Variants in TMEM132E observed in about 807,000 individuals in gnomAD.
The protein encoded by TMEM132E is transmembrane protein 132E.
Under a neutral mutation model 78.5 loss-of-function variants are expected in TMEM132E, and 49 were observed. The ratio of observed to expected loss-of-function variants is 0.62; its 90% confidence interval spans 0.50 to 0.79. The LOEUF (loss-of-function observed/expected upper bound fraction) is 0.79. Among genes scored for constraint, TMEM132E ranks in the 30% least tolerant of loss-of-function variants. The pLI is 0.00. For synonymous variants in TMEM132E, 715 were observed against 670.6 expected (o/e 1.07, Z -1.02); for missense variants, 1,403 against 1,470.9 (o/e 0.95, Z 0.75).
At chr17:34,594,799 A>G (rs1398564680) in intron 1 of TMEM132E, among the ~76,000 whole-genome samples, 1 of 152,162 alleles carries the variant, frequency 6.6e-6, no homozygotes, top group African/African-American at 2.4e-5. Flanking sequence ...TGGAATTCTA[A>G]TGATGTTATC....
Position 34,587,233 on chromosome 17 carries a change from G to A in TMEM132E, c.67+6090G>A, listed in dbSNP as rs76149638. 3.7e-3 allele frequency among the ~76,000 whole-genome samples: 563 copies of A among 152,246 alleles called. 1 individual carries two copies. The highest frequency in any genetic ancestry group is 0.013 in the African/African-American group (530 of 41,526). Reference sequence around the variant, plus strand: ...GGCCCTGGCCCTGAGAGAACAGGCAGCTAGGATACCCCACCTTACTCCTAA... The same window carrying A: ...GGCCCTGGCCCTGAGAGAACAGGCAACTAGGATACCCCACCTTACTCCTAA... On this transcript the variant is annotated intron_variant, in intron 1 of 8. Transcript: ENST00000631683.
At chr17:34,608,945 T>G (rs1239332118) in intron 1 of TMEM132E, among the ~76,000 whole-genome samples, 1 of 152,172 alleles carries the variant, frequency 6.6e-6, no homozygotes, top group South Asian at 2.1e-4. Context: ...CAGACAGCCT[T>G]AATCAGTCAT....
At chr17:34,584,839 C>T (rs996153228) in intron 1 of TMEM132E, among the ~76,000 whole-genome samples, 3 of 152,222 alleles carry the variant, frequency 2.0e-5, no homozygotes, top group Non-Finnish European at 4.4e-5. Flanking sequence ...GACATGGTCT[C>T]ACAGGATACA....
At chr17:34,611,550 C>T in intron 1 of TMEM132E, among the ~76,000 whole-genome samples, 1 of 152,162 alleles carries the variant, frequency 6.6e-6, no homozygotes, top group South Asian at 2.1e-4. Flanking sequence ...CAAGAGAAAC[C>T]AAGTATAATA....
At chr17:34,628,043 G>T (rs1221339916) in intron 2 of TMEM132E, among the ~76,000 whole-genome samples, 2 of 152,196 alleles carry the variant, frequency 1.3e-5, no homozygotes, top group Non-Finnish European at 2.9e-5. Context: ...AGTGTGACTG[G>T]CTGTGAGGTG....
intron 7 of TMEM132E, 116 bp from the exon 8 acceptor site, chr17:34,635,891 G>T: frequency 9.2e-7 from 1 of 1,083,868 alleles, no homozygotes. Context: ...CTCCCAGCCT[G>T]CCTCACCCTT....
At chr17:34,608,795 A>G (rs1266302990) in intron 1 of TMEM132E, among the ~76,000 whole-genome samples, 1 of 152,166 alleles carries the variant, frequency 6.6e-6, no homozygotes, top group Non-Finnish European at 1.5e-5. Flanking sequence ...AGAAGATATC[A>G]ATATCATCTG....
intron 1 of TMEM132E, among the ~76,000 whole-genome samples, chr17:34,584,815 C>T (rs1241486706): frequency 2.0e-5 from 3 of 152,224 alleles, no homozygotes; most frequent in East Asian, 1.9e-4. Context: ...CATGTGTCTC[C>T]GGTGACATGT....
Position 34,626,770 on chromosome 17 carries a change from C to T in TMEM132E, c.711C>T (p.His237=), listed in dbSNP as rs1313406810. 13 of 1,459,302 alleles carry T rather than the reference C, an allele frequency of 8.9e-6. No individual in the cohort carries two copies. Among genetic ancestry groups the T allele is most frequent in the Non-Finnish European group, 1.2e-5 (13 of 1,093,312 alleles). The allele number at this position is 1,459,302 out of a possible 1,614,324, so 90.4% of individuals were successfully genotyped here. A position where few individuals can be genotyped will look rare whatever the true frequency, so the allele number is the denominator to read the frequency against. Reference sequence around the variant, plus strand: ...AGGCCGAGCTCTACTACACGCTCCACGCCCCTGATGCGTCGGGGGGCTGCG... The same window carrying T: ...AGGCCGAGCTCTACTACACGCTCCATGCCCCTGATGCGTCGGGGGGCTGCG... ...SQQAELYYTL[H]APDASGGCGG... Residue 237 remains histidine, a synonymous_variant, in exon 2 of 9, where the codon CAC becomes CAT. Transcript: ENST00000631683.
rs3221613 is a variant in TMEM132E at position 34,627,467 on chromosome 17, C to CTGTGTGTGT, written c.998+410_998+411insTGTGTGTGT. Among the ~76,000 whole-genome samples, 27 of 126,540 alleles carry CTGTGTGTGT rather than the reference C, an allele frequency of 2.1e-4. 1 individual carries two copies. In the South Asian group the frequency reaches 6.7e-3, roughly 31 times the overall value. The allele number at this position is 126,540 out of a possible 152,430, so 83.0% of individuals were successfully genotyped here. ...CCTCTTGGCTGGGAGCCAAAAGAAT[C>CTGTGTGTGT]GTGTGTGTGTGTGTGTGTGTGTGTG... is the stretch of plus-strand genomic sequence containing the variant. On this transcript the variant is annotated intron_variant, in intron 2 of 8. Coordinates refer to ENST00000631683, the MANE Select transcript of TMEM132E (RefSeq NM_001304438.2).
intron 1 of TMEM132E, among the ~76,000 whole-genome samples, chr17:34,598,433 G>A (rs149044956): frequency 2.4e-4 from 37 of 152,256 alleles, no homozygotes; most frequent in Admixed American, 4.6e-4. Context: ...TGGGGGTGAA[G>A]CCCAGGAGAA....
chr17:34,599,641 T>TTTTTTATTTTTTA (rs566161878), intron 1 of TMEM132E, among the ~76,000 whole-genome samples: 6,076 of 151,670 alleles, frequency 0.04, 196 homozygotes, highest in Non-Finnish European at 0.055. Flanking sequence ...CATTGAAGAG[T>TTTTTTATTTTTTA]TTTTTATTTT....
At chr17:34,614,495 A>T (rs1300260087) in intron 1 of TMEM132E, 1 of 152,142 alleles carries the variant, frequency 6.6e-6, no homozygotes, top group Non-Finnish European at 1.5e-5. Context: ...TGGAAGTACA[A>T]AGCCTTTCTT....
chr17:34,593,499 C>T (rs1239444439), intron 1 of TMEM132E, among the ~76,000 whole-genome samples: 2 of 152,176 alleles, frequency 1.3e-5, no homozygotes, highest in Non-Finnish European at 2.9e-5. Flanking sequence ...CCCAGTTCTC[C>T]TATTGGAGGT....
chr17:34,615,739 C>A (rs972362321), intron 1 of TMEM132E, among the ~76,000 whole-genome samples: 1 of 151,848 alleles, frequency 6.6e-6, no homozygotes, highest in Non-Finnish European at 1.5e-5. Flanking sequence ...AGAGGATTCG[C>A]ATTGGGTTCA....
intron 1 of TMEM132E, chr17:34,614,432 C>CT (rs1373702389): frequency 6.6e-6 from 1 of 152,236 alleles, no homozygotes; most frequent in Non-Finnish European, 1.5e-5. Flanking sequence ...GGTGGGGTCC[C>CT]TCCAGTGTTT....
intron 1 of TMEM132E, among the ~76,000 whole-genome samples, chr17:34,620,889 A>G (rs1480571508): frequency 6.6e-6 from 1 of 152,230 alleles, no homozygotes; most frequent in Non-Finnish European, 1.5e-5. Context: ...TTGTTGGGTC[A>G]GATACCCTCC....
At chr17:34,611,184 G>A (rs1045507755) in intron 1 of TMEM132E, among the ~76,000 whole-genome samples, 1 of 152,262 alleles carries the variant, frequency 6.6e-6, no homozygotes, top group Non-Finnish European at 1.5e-5. Flanking sequence ...AGGCACAGAG[G>A]CAGAAAGAGT....
At chr17:34,584,518 T>C (rs915918129) in intron 1 of TMEM132E, among the ~76,000 whole-genome samples, 1 of 152,264 alleles carries the variant, frequency 6.6e-6, no homozygotes, top group Non-Finnish European at 1.5e-5. Context: ...CATGCTTACC[T>C]GTGCAATCCT....
Sources: allele counts gnomAD v4.1 joint callset (sites outside exome capture counted in the v4.1 genomes callset), GRCh38; gene constraint gnomAD v4.1.1; transcripts MANE v1.5; gene names NCBI Gene and HGNC (gene_info 2026-07-23, HGNC 2026-07-21).